SP140L: variants seen among roughly 807,000 people sequenced by gnomAD.
SP140L encodes nuclear body protein SP140-like protein.
SP140L carries 64 observed loss-of-function variants against 84.3 expected under a neutral mutation model. The ratio of observed to expected loss-of-function variants is 0.76; its 90% CI spans 0.62 to 0.94. The LOEUF is 0.94. Ranked by LOEUF, SP140L falls within the 40% of genes least tolerant of loss-of-function variation. The probability of loss-of-function intolerance (pLI) is 0.00; values close to 1 mark genes in which losing one functional copy is unlikely to be tolerated. For missense variants in SP140L, 628 were observed against 692.5 expected (o/e 0.91, Z 1.05); for synonymous variants, 242 against 236.9 (o/e 1.02, Z -0.20).
intron 2 of SP140L, among the ~76,000 whole-genome samples, chr2:230,342,880 C>T (rs766459913): frequency 9.9e-5 from 15 of 152,034 alleles, no homozygotes; most frequent in Non-Finnish European, 1.6e-4. Context: ...TTTCCTATTC[C>T]GTATTTATTT....
chr2:230,395,670 G>A (rs1241113248), intron 13 of SP140L, among the ~76,000 whole-genome samples: 10 of 152,198 alleles, frequency 6.6e-5, no homozygotes, highest in Admixed American at 3.9e-4. Context: ...AGTCAGAGAC[G>A]CACTCAGTGA....
In SP140L at chr2:230,371,652, G is replaced by A. The variant is rs1359710351; in HGVS notation, c.637+1G>A. 3 of 1,595,344 alleles carry A rather than the reference G, an allele frequency of 1.9e-6. No individual in the cohort carries two copies. Among genetic ancestry groups the A allele is most frequent in the South Asian group, 2.2e-5 (2 of 90,278 alleles). On this transcript the variant is annotated splice_donor_variant, in intron 7 of 18. Transcript: ENST00000415673. LOFTEE classifies it high-confidence loss of function. Reference sequence around the variant, plus strand: ...TTGGGAAAACCCAAGAGGAAAAGAAGTAAGAATAAATAAGAATTTACTTGC... The same window carrying A: ...TTGGGAAAACCCAAGAGGAAAAGAAATAAGAATAAATAAGAATTTACTTGC...
chr2:230,339,998 C>G (rs2059991961), intron 2 of SP140L, among the ~76,000 whole-genome samples: 1 of 148,888 alleles, frequency 6.7e-6, no homozygotes, highest in Non-Finnish European at 1.5e-5. Flanking sequence ...CTGTAGATGT[C>G]TATTAGGTCC....
At chr2:230,341,028 A>G (rs1276055261) in intron 2 of SP140L, among the ~76,000 whole-genome samples, 1 of 128,538 alleles carries the variant, frequency 7.8e-6, no homozygotes, top group Non-Finnish European at 1.6e-5. Context: ...CCTGAATCTG[A>G]ACATTGGCCT....
At position 230,402,947 on chromosome 2, in the gene SP140L, CT is replaced by C; in HGVS notation, c.*52del. 1 of 1,490,364 alleles carries C rather than the reference CT, an allele frequency of 6.7e-7. No homozygotes were observed. The highest frequency in any genetic ancestry group is 2.0e-5 in the Admixed American group (1 of 50,248). 92.3% of individuals were successfully genotyped at this position (1,490,364 alleles called of 1,614,324 possible). A position where few individuals can be genotyped will look rare whatever the true frequency, so the allele number is the denominator to read the frequency against. On this transcript the variant is annotated 3_prime_UTR_variant, in exon 19 of 19. Transcript: ENST00000415673. ...TCAGGAAATATGCTACTGGTTGCCA[CT>C]GACTTCAAACTGAGAGCACTTGGGA...
At chr2:230,360,423 A>C (rs1377680694) in intron 4 of SP140L, among the ~76,000 whole-genome samples, 8 of 152,230 alleles carry the variant, frequency 5.3e-5, no homozygotes, top group Admixed American at 5.2e-4. Context: ...GTTTTGGCTT[A>C]TTGATTTGTG....
At chr2:230,349,867 G>A (rs2060313933) in intron 2 of SP140L, among the ~76,000 whole-genome samples, 1 of 152,146 alleles carries the variant, frequency 6.6e-6, no homozygotes, top group African/African-American at 2.4e-5. Flanking sequence ...AAATTAGCCA[G>A]GAGTGGTAGC....
At chr2:230,358,012 T>C (rs2060601884) in intron 3 of SP140L, 45 bp downstream of exon 3, 1 of 1,600,408 alleles carries the variant, frequency 6.2e-7, no homozygotes, top group African/African-American at 1.3e-5. Context: ...GCTTTCATAT[T>C]TTACAAGTAT....
chr2:230,380,148 G>A (rs943720086), intron 7 of SP140L, among the ~76,000 whole-genome samples: 3 of 151,556 alleles, frequency 2.0e-5, no homozygotes. Flanking sequence ...TGAAAGGCAC[G>A]TCTTACATGG....
At chr2:230,363,885 G>A (rs539877572) in intron 5 of SP140L, among the ~76,000 whole-genome samples, 4 of 152,138 alleles carry the variant, frequency 2.6e-5, no homozygotes, top group East Asian at 1.9e-4. Flanking sequence ...TCTTCTGCAC[G>A]TGAAGATCCA....
chr2:230,330,736 T>C (rs1465486523), intron 2 of SP140L, among the ~76,000 whole-genome samples: 1 of 152,218 alleles, frequency 6.6e-6, no homozygotes, highest in Non-Finnish European at 1.5e-5. Flanking sequence ...TCCTTCTTTA[T>C]CCACGGTTTC....
At chr2:230,359,221 T>G in intron 4 of SP140L, 89 bp downstream of exon 4, 1 of 1,180,238 alleles carries the variant, frequency 8.5e-7, no homozygotes, top group Non-Finnish European at 1.2e-6. Flanking sequence ...TGCGATACAT[T>G]GTGTTGGGCA....
At chr2:230,374,264 A>C (rs1234969793) in intron 7 of SP140L, among the ~76,000 whole-genome samples, 6 of 151,454 alleles carry the variant, frequency 4.0e-5, no homozygotes, top group Non-Finnish European at 8.8e-5. Context: ...TGCACTGAGC[A>C]GAGGTTGCAC....
intron 2 of SP140L, among the ~76,000 whole-genome samples, chr2:230,350,581 A>G (rs554639415): frequency 6.6e-6 from 1 of 152,348 alleles, no homozygotes; most frequent in East Asian, 1.9e-4. Flanking sequence ...ATCAATGGAC[A>G]AAACAGATGC....
chr2:230,344,448 G>A (rs545199063), intron 2 of SP140L, among the ~76,000 whole-genome samples: 25 of 152,260 alleles, frequency 1.6e-4, no homozygotes, highest in South Asian at 1.2e-3. Flanking sequence ...ATGGCATACC[G>A]ATGGGTCATG....
At chr2:230,363,135 A>C (rs1219119475) in intron 5 of SP140L, among the ~76,000 whole-genome samples, 1 of 152,224 alleles carries the variant, frequency 6.6e-6, no homozygotes, top group Non-Finnish European at 1.5e-5. Context: ...TAGCCCCATC[A>C]TAACTGTAGG....
In SP140L at chr2:230,392,163, C is replaced by A; in HGVS notation, c.1041C>A (p.Tyr347Ter). 6.2e-7 allele frequency: 1 copy of A among 1,614,010 alleles called. No individual in the cohort carries two copies. The highest frequency in any genetic ancestry group is 1.1e-5 in the South Asian group (1 of 91,086). Residue 347 changes from tyrosine to a stop codon, truncating the protein, a stop_gained, in exon 12 of 19, where the codon TAC (tyrosine) becomes TAA (stop). Coordinates refer to ENST00000415673, the MANE Select transcript of SP140L (RefSeq NM_138402.6). LOFTEE classifies it high-confidence loss of function. ...TGGAATTTGAAATCAAAGGAGGCTACGCAAGATCAAAGAACTGGAGGCTGA... is the reference window on the plus strand; with the variant it reads ...TGGAATTTGAAATCAAAGGAGGCTAAGCAAGATCAAAGAACTGGAGGCTGA... ...TPMEFEIKGG[Y>*]ARSKNWRLSV...
intron 2 of SP140L, among the ~76,000 whole-genome samples, chr2:230,336,850 T>G (rs918246984): frequency 6.6e-6 from 1 of 152,198 alleles, no homozygotes; most frequent in Non-Finnish European, 1.5e-5. Flanking sequence ...TTTATCAGTA[T>G]GCAAAAAACT....
At chr2:230,393,670 C>T (rs568206971) in intron 13 of SP140L, among the ~76,000 whole-genome samples, 15 of 152,194 alleles carry the variant, frequency 9.9e-5, no homozygotes, top group African/African-American at 2.4e-4. Context: ...TGGATTAAAC[C>T]GTATCAGATG....
Sources: gnomAD v4.1 joint callset for allele counts (sites outside exome capture counted in the v4.1 genomes callset) on GRCh38, gnomAD v4.1.1 for gene constraint, MANE v1.5 for transcripts, NCBI Gene and HGNC (gene_info 2026-07-23, HGNC 2026-07-21) for gene names.